The following GLCCI1 variants were observed in gnomAD, a reference collection of about 807,000 sequenced individuals.
GLCCI1 encodes the protein glucocorticoid-induced transcript 1 protein.
GLCCI1 carries 24 observed loss-of-function variants against 52.2 expected under a neutral mutation model. The observed-to-expected ratio is 0.46, with a 90% CI of 0.33 to 0.65. The LOEUF is 0.65. Among genes scored for constraint, GLCCI1 ranks in the 30% least tolerant of loss-of-function variants. The pLI is 0.02. For missense variants in GLCCI1, 704 were observed against 701.5 expected (o/e 1.00, Z -0.04); for synonymous variants, 310 against 276.5 (o/e 1.12, Z -1.20).
At chr7:8,019,569 AG>A (rs1311613090) in intron 2 of GLCCI1, among the ~76,000 whole-genome samples, 1 of 151,982 alleles carries the variant, frequency 6.6e-6, no homozygotes, top group African/African-American at 2.4e-5. Flanking sequence ...TCACTTCATG[AG>A]GGGGATATGT....
intron 2 of GLCCI1, among the ~76,000 whole-genome samples, chr7:8,012,167 A>T (rs1210161647): frequency 2.0e-5 from 3 of 151,860 alleles, no homozygotes; most frequent in Admixed American, 1.3e-4. Flanking sequence ...TCCTTTTTTA[A>T]AACATAATAG....
chr7:8,031,816 A>G (rs577293328), intron 3 of GLCCI1, among the ~76,000 whole-genome samples: 1 of 152,118 alleles, frequency 6.6e-6, no homozygotes, highest in African/African-American at 2.4e-5. Context: ...CAGGCAATGT[A>G]GACTTTAATA....
intron 6 of GLCCI1, among the ~76,000 whole-genome samples, chr7:8,073,921 C>A (rs1226312485): frequency 6.6e-6 from 1 of 152,138 alleles, no homozygotes; most frequent in African/African-American, 2.4e-5. Flanking sequence ...CTGTGTAGCT[C>A]TCTGTTATGC....
chr7:8,056,089 G>C (rs1343539622), intron 4 of GLCCI1, among the ~76,000 whole-genome samples: 1 of 151,914 alleles, frequency 6.6e-6, no homozygotes, highest in Non-Finnish European at 1.5e-5. Flanking sequence ...CTTGAGGTCA[G>C]GAGTTCGAAA....
intron 3 of GLCCI1, among the ~76,000 whole-genome samples, chr7:8,036,373 T>C (rs1381818196): frequency 6.6e-6 from 1 of 152,086 alleles, no homozygotes; most frequent in Admixed American, 6.5e-5. Context: ...ACACAACATA[T>C]ATTATAGTCT....
intron 6 of GLCCI1, among the ~76,000 whole-genome samples, chr7:8,073,488 T>G (rs1324380233): frequency 6.6e-6 from 1 of 152,164 alleles, no homozygotes; most frequent in East Asian, 1.9e-4. Context: ...AACACTAATT[T>G]CTTTATATTC....
chr7:8,060,000 G>A (rs751275094), intron 4 of GLCCI1, 96 bp from the exon 5 acceptor site: 62 of 1,033,574 alleles, frequency 6.0e-5, no homozygotes, highest in South Asian at 4.9e-4. Context: ...AAATAACTCC[G>A]TTCATTGAGT....
intron 1 of GLCCI1, among the ~76,000 whole-genome samples, chr7:7,975,472 G>A (rs970278979): frequency 2.0e-5 from 3 of 152,186 alleles, no homozygotes; most frequent in South Asian, 4.1e-4. Flanking sequence ...CAAGGATTTA[G>A]GATGTGGATC....
At chr7:8,003,567 T>C (rs1173037774) in intron 1 of GLCCI1, among the ~76,000 whole-genome samples, 1 of 152,146 alleles carries the variant, frequency 6.6e-6, no homozygotes, top group Non-Finnish European at 1.5e-5. Flanking sequence ...TTAGTTGAAA[T>C]GGATACAGGG....
chr7:7,972,269 G>C (rs763611369), intron 1 of GLCCI1, among the ~76,000 whole-genome samples: 35 of 152,212 alleles, frequency 2.3e-4, no homozygotes, highest in Admixed American at 1.4e-3. Flanking sequence ...ACAACAACGT[G>C]CTCCATTTCT....
chr7:8,056,959 T>C (rs1336301742), intron 4 of GLCCI1, among the ~76,000 whole-genome samples: 2 of 152,304 alleles, frequency 1.3e-5, no homozygotes, highest in Admixed American at 6.5e-5. Context: ...TACTTACATA[T>C]GATATTATAT....
chr7:7,995,127 C>T (rs1470830878), intron 1 of GLCCI1, among the ~76,000 whole-genome samples: 1 of 152,136 alleles, frequency 6.6e-6, no homozygotes, highest in Non-Finnish European at 1.5e-5. Context: ...GAATATTTTT[C>T]TATTTGTTGC....
At chr7:8,062,638 G>A (rs1298941807) in intron 5 of GLCCI1, among the ~76,000 whole-genome samples, 4 of 152,062 alleles carry the variant, frequency 2.6e-5, no homozygotes, top group African/African-American at 9.7e-5. Flanking sequence ...CCTCAAGTAG[G>A]CCCTGATATC....
At chr7:8,033,708 A>C (rs1206862271) in intron 3 of GLCCI1, among the ~76,000 whole-genome samples, 2 of 152,158 alleles carry the variant, frequency 1.3e-5, no homozygotes, top group Non-Finnish European at 2.9e-5. Context: ...TTATACACTG[A>C]AAATATTACT....
intron 1 of GLCCI1, among the ~76,000 whole-genome samples, chr7:7,990,572 T>C (rs1488752133): frequency 6.6e-6 from 1 of 152,098 alleles, no homozygotes; most frequent in Non-Finnish European, 1.5e-5. Context: ...ATTTGTAGAA[T>C]TGTTGAGGTG....
At chr7:8,059,859 G>A (rs1782476107) in intron 4 of GLCCI1, among the ~76,000 whole-genome samples, 1 of 152,108 alleles carries the variant, frequency 6.6e-6, no homozygotes, top group Non-Finnish European at 1.5e-5. Context: ...ACATTATACA[G>A]GTATACCTTT....
chr7:8,055,214 A>ATAT, intron 3 of GLCCI1, among the ~76,000 whole-genome samples: 1 of 152,344 alleles, frequency 6.6e-6, no homozygotes, highest in Non-Finnish European at 1.5e-5. Flanking sequence ...TACCAATAAC[A>ATAT]CTATTCAAAT....
At chr7:8,066,618 CTG>C (rs1348947347) in intron 5 of GLCCI1, among the ~76,000 whole-genome samples, 3 of 151,270 alleles carry the variant, frequency 2.0e-5, no homozygotes, top group Non-Finnish European at 4.4e-5. Flanking sequence ...TTCTTGATTT[CTG>C]CCTTAATTTC....
At chr7:7,985,536 T>C (rs1452666958) in intron 1 of GLCCI1, among the ~76,000 whole-genome samples, 1 of 101,110 alleles carries the variant, frequency 9.9e-6, no homozygotes, top group Admixed American at 9.2e-5. Flanking sequence ...CCTGGAACTT[T>C]AAGTTAAAAA....
Sources: gnomAD v4.1 joint callset for allele counts (sites outside exome capture counted in the v4.1 genomes callset) on GRCh38, gnomAD v4.1.1 for gene constraint, MANE v1.5 for transcripts, NCBI Gene and HGNC (gene_info 2026-07-23, HGNC 2026-07-21) for gene names.